ASCC2: variants seen among roughly 807,000 people sequenced by gnomAD.
The protein encoded by ASCC2 is ASC-1 complex subunit P100.
Under a neutral mutation model 93.5 loss-of-function variants are expected in ASCC2, and 42 were observed. The observed-to-expected ratio is 0.45, with a 90% CI of 0.35 to 0.58. ASCC2 has a LOEUF of 0.58. ASCC2 is among the 20% of genes least tolerant of loss of function. ASCC2 has a pLI of 0.00. For missense variants in ASCC2, 859 were observed against 977.6 expected, an observed-to-expected ratio of 0.88 and a Z score of 1.62; for synonymous variants, 364 against 384.2, an observed-to-expected ratio of 0.95 and a Z score of 0.62.
At chr22:29,829,108 G>A (rs1475372134) in intron 2 of ASCC2, among the ~76,000 whole-genome samples, 2 of 152,038 alleles carry the variant, frequency 1.3e-5, no homozygotes, top group East Asian at 1.9e-4. Flanking sequence ...CCTGGGAGGC[G>A]GAGGTTGCAG....
intron 5 of ASCC2, among the ~76,000 whole-genome samples, chr22:29,819,876 A>G (rs1425780747): frequency 2.6e-5 from 4 of 152,074 alleles, no homozygotes; most frequent in Non-Finnish European, 5.9e-5. Context: ...GTCAGGGTCT[A>G]AGAGACAGGA....
intron 15 of ASCC2, among the ~76,000 whole-genome samples, chr22:29,797,511 G>A (rs2058581655): frequency 6.6e-6 from 1 of 152,192 alleles, no homozygotes; most frequent in African/African-American, 2.4e-5. Flanking sequence ...CCTGATTCAG[G>A]TCTGCTTTGC....
intron 19 of ASCC2, 120 bp downstream of exon 19, chr22:29,790,349 C>T (rs1484538820): frequency 6.3e-6 from 6 of 951,436 alleles, no homozygotes; most frequent in African/African-American, 1.6e-5. Context: ...ACTGGGTTGT[C>T]GTGAGAACTA....
At chr22:29,804,857 C>CTTAA in intron 12 of ASCC2, 27 bp from the exon 13 acceptor site, 1 of 1,606,918 alleles carries the variant, frequency 6.2e-7, no homozygotes, top group African/African-American at 1.3e-5. Flanking sequence ...AGGGGTCTGT[C>CTTAA]TTAAGCTCCT....
At chr22:29,819,597 T>A (rs935504002) in intron 5 of ASCC2, among the ~76,000 whole-genome samples, 3 of 152,160 alleles carry the variant, frequency 2.0e-5, no homozygotes, top group African/African-American at 7.2e-5. Context: ...GGAATAGAGC[T>A]GTGGTGTGAA....
At chr22:29,824,332 G>C (rs924652303) in intron 4 of ASCC2, among the ~76,000 whole-genome samples, 1 of 151,744 alleles carries the variant, frequency 6.6e-6, no homozygotes, top group African/African-American at 2.4e-5. Flanking sequence ...GCATGTAATA[G>C]GGTTGGGTGT....
intron 5 of ASCC2, among the ~76,000 whole-genome samples, chr22:29,818,374 C>A (rs2061123567): frequency 1.1e-5 from 1 of 93,178 alleles, no homozygotes. Context: ...ACAGAAACTG[C>A]AGGTCCCTTC....
intron 4 of ASCC2, among the ~76,000 whole-genome samples, 174 bp from the exon 5 acceptor site, chr22:29,822,638 A>T (rs1157962981): frequency 8.9e-5 from 13 of 146,444 alleles, no homozygotes; most frequent in African/African-American, 2.0e-4. Context: ...TTTTTTTTTT[A>T]AATGTTAATC....
intron 4 of ASCC2, among the ~76,000 whole-genome samples, chr22:29,823,443 T>A (rs544452744): frequency 6.6e-5 from 10 of 152,344 alleles, no homozygotes; most frequent in African/African-American, 2.4e-4. Flanking sequence ...AGGATTGCTT[T>A]AAAATACTTC....
intron 5 of ASCC2, among the ~76,000 whole-genome samples, chr22:29,818,181 C>T (rs548640130): frequency 6.6e-6 from 1 of 151,844 alleles, no homozygotes; most frequent in Admixed American, 6.6e-5. Flanking sequence ...CTCCCACCTT[C>T]TTTCACTTGT....
chr22:29,822,502 T>C (rs763922747), intron 4 of ASCC2, 38 bp from the exon 5 acceptor site: 9 of 1,608,604 alleles, frequency 5.6e-6, no homozygotes, highest in Non-Finnish European at 5.9e-6. Flanking sequence ...AGAGATTTTC[T>C]GAACACTCCT....
chr22:29,837,346 T>C (rs1046128391), intron 1 of ASCC2, among the ~76,000 whole-genome samples: 12 of 151,582 alleles, frequency 7.9e-5, no homozygotes, highest in Non-Finnish European at 1.8e-4. Flanking sequence ...GGCAGGAGAA[T>C]CGCTTGAACC....
chr22:29,802,856 G>T (rs745330866), intron 13 of ASCC2, among the ~76,000 whole-genome samples: 96 of 152,224 alleles, frequency 6.3e-4, no homozygotes, highest in Middle Eastern at 3.4e-3. Context: ...AGGATTACTT[G>T]ATCCCAGAAG....
chr22:29,832,791 A>G (rs1343935178), intron 1 of ASCC2, among the ~76,000 whole-genome samples: 2 of 151,056 alleles, frequency 1.3e-5, no homozygotes, highest in African/African-American at 4.9e-5. Flanking sequence ...TCTGTTGTCC[A>G]GTGAAGTGGT....
chr22:29,820,625 AT>A (rs2061433820), intron 5 of ASCC2, among the ~76,000 whole-genome samples: 2 of 151,590 alleles, frequency 1.3e-5, no homozygotes, highest in Admixed American at 1.3e-4. Flanking sequence ...ATTAACACAT[AT>A]TATCTTTACC....
chr22:29,799,536 C>G (rs2240366), intron 15 of ASCC2, among the ~76,000 whole-genome samples: 8,250 of 152,278 alleles, frequency 0.054, 275 homozygotes, highest in South Asian at 0.097. Context: ...ATTTCCGCCA[C>G]TGGGGCTCCT....
At chr22:29,837,945 G>C (rs1432533810) in intron 1 of ASCC2, among the ~76,000 whole-genome samples, 1 of 152,242 alleles carries the variant, frequency 6.6e-6, no homozygotes, top group Non-Finnish European at 1.5e-5. Flanking sequence ...CGGGTGTGAG[G>C]ACGTGGGGGG....
intron 14 of ASCC2, 120 bp from the exon 15 acceptor site, chr22:29,801,230 C>T: frequency 7.7e-7 from 1 of 1,295,792 alleles, no homozygotes; most frequent in Non-Finnish European, 1.0e-6. Context: ...ACAGGCACTC[C>T]TAGGACACAA....
chr22:29,791,207 C>T (rs895601181), intron 18 of ASCC2, among the ~76,000 whole-genome samples: 23 of 151,958 alleles, frequency 1.5e-4, no homozygotes, highest in Admixed American at 1.5e-3. Flanking sequence ...GAGATCCCAT[C>T]TCTACAAAAA....
Sources: gnomAD v4.1 joint callset for allele counts (sites outside exome capture counted in the v4.1 genomes callset) on GRCh38, gnomAD v4.1.1 for gene constraint, MANE v1.5 for transcripts, NCBI Gene and HGNC (gene_info 2026-07-23, HGNC 2026-07-21) for gene names.